Variants in ERC2 observed in about 807,000 individuals in gnomAD.
ERC2 encodes the protein ELKS/RAB6-interacting/CAST family member 2.
In ERC2, 42 loss-of-function variants were observed where a neutral mutation model predicts 114.8. The observed-to-expected ratio is 0.37, with a 90% CI of 0.29 to 0.47. The LOEUF is 0.47. Ranked by LOEUF, ERC2 falls within the 20% of genes least tolerant of loss-of-function variation. ERC2 has a pLI of 0.99. For missense variants in ERC2, 939 were observed against 1,150.7 expected (o/e 0.82, Z 2.66); for synonymous variants, 454 against 425.5 (o/e 1.07, Z -0.82).
intron 14 of ERC2, among the ~76,000 whole-genome samples, chr3:55,821,522 C>G (rs1401660564): frequency 6.6e-6 from 1 of 152,174 alleles, no homozygotes. Context: ...ACATATTAAC[C>G]TGTGTTGAGA....
chr3:56,420,894 C>T (rs2061363575), intron 2 of ERC2, among the ~76,000 whole-genome samples: 1 of 145,162 alleles, frequency 6.9e-6, no homozygotes, highest in African/African-American at 2.6e-5. Context: ...AAGACTCCGT[C>T]TCAAAAAAAA....
At chr3:56,225,752 G>C (rs1168487080) in intron 3 of ERC2, among the ~76,000 whole-genome samples, 1 of 152,056 alleles carries the variant, frequency 6.6e-6, no homozygotes, top group Non-Finnish European at 1.5e-5. Context: ...GTGTGTTCCT[G>C]GTACTCTGTG....
intron 16 of ERC2, among the ~76,000 whole-genome samples, chr3:55,692,343 A>T (rs1232201563): frequency 6.6e-6 from 1 of 152,182 alleles, no homozygotes; most frequent in Admixed American, 6.5e-5. Context: ...CTTGTGGACT[A>T]AGCATAAAAT....
intron 3 of ERC2, among the ~76,000 whole-genome samples, chr3:56,186,529 G>T (rs2083629869): frequency 6.6e-6 from 1 of 151,966 alleles, no homozygotes; most frequent in African/African-American, 2.4e-5. Context: ...TTGTTTGTTT[G>T]TTTGTTTTGT....
intron 3 of ERC2, among the ~76,000 whole-genome samples, chr3:56,295,423 C>G (rs1310985781): frequency 6.6e-6 from 1 of 152,166 alleles, no homozygotes. Flanking sequence ...GAGAGACTGC[C>G]TCTGAAGGAC....
At chr3:55,856,495 CAATG>C (rs1228152342) in intron 14 of ERC2, among the ~76,000 whole-genome samples, 3 of 149,248 alleles carry the variant, frequency 2.0e-5, no homozygotes, top group Non-Finnish European at 3.0e-5. Flanking sequence ...AGACTACAGA[CAATG>C]AAAAAATAAA....
chr3:56,060,753 C>A (rs1323188863), intron 7 of ERC2, among the ~76,000 whole-genome samples: 1 of 152,210 alleles, frequency 6.6e-6, no homozygotes, highest in African/African-American at 2.4e-5. Context: ...TAATTTATTA[C>A]AACAGCCAAA....
At chr3:56,300,885 G>A (rs1377966497) in intron 2 of ERC2, among the ~76,000 whole-genome samples, 2 of 152,164 alleles carry the variant, frequency 1.3e-5, no homozygotes, top group African/African-American at 4.8e-5. Flanking sequence ...AGAAAAGGAT[G>A]GGGAGGGGAG....
At chr3:56,087,368 T>C (rs929046319) in intron 6 of ERC2, among the ~76,000 whole-genome samples, 6 of 152,162 alleles carry the variant, frequency 3.9e-5, no homozygotes. Flanking sequence ...GAGTTAAGCA[T>C]TATTAATCTT....
At chr3:55,872,103 G>A (rs1199767966) in intron 14 of ERC2, among the ~76,000 whole-genome samples, 8 of 152,144 alleles carry the variant, frequency 5.3e-5, no homozygotes, top group Admixed American at 2.0e-4. Context: ...GAGGTCATGT[G>A]GGGGTTCACT....
At chr3:55,829,834 G>A (rs1203012610) in intron 14 of ERC2, among the ~76,000 whole-genome samples, 14 of 151,934 alleles carry the variant, frequency 9.2e-5, no homozygotes, top group South Asian at 8.3e-4. Context: ...CCAAAATATC[G>A]AACATTTGTG....
At chr3:55,833,230 C>G (rs1442677399) in intron 14 of ERC2, among the ~76,000 whole-genome samples, 1 of 150,342 alleles carries the variant, frequency 6.7e-6, no homozygotes, top group Non-Finnish European at 1.5e-5. Flanking sequence ...CAAGGCAGAC[C>G]AACATTCAGA....
chr3:55,806,721 T>A (rs1414315522), intron 14 of ERC2, among the ~76,000 whole-genome samples: 3 of 152,156 alleles, frequency 2.0e-5, no homozygotes, highest in Non-Finnish European at 4.4e-5. Flanking sequence ...ATGCCAATAG[T>A]GGCAAGGCTG....
intron 17 of ERC2, among the ~76,000 whole-genome samples, chr3:55,600,214 A>G (rs1443877358): frequency 6.6e-6 from 1 of 152,218 alleles, no homozygotes; most frequent in Non-Finnish European, 1.5e-5. Context: ...GATGCTCTAG[A>G]AAAAAAGACC....
At chr3:55,691,297 G>T (rs1176512581) in intron 16 of ERC2, among the ~76,000 whole-genome samples, 1 of 151,854 alleles carries the variant, frequency 6.6e-6, no homozygotes, top group Non-Finnish European at 1.5e-5. Context: ...AGAAGTATTG[G>T]GAAAGAGGCA....
At chr3:55,900,090 A>G (rs768022734) in intron 13 of ERC2, among the ~76,000 whole-genome samples, 16 of 152,140 alleles carry the variant, frequency 1.1e-4, no homozygotes, top group Admixed American at 2.0e-4. Context: ...TGGTTCTGAG[A>G]GTCCCTTAGA....
At chr3:55,912,884 A>G (rs1216945262) in intron 13 of ERC2, among the ~76,000 whole-genome samples, 2 of 152,242 alleles carry the variant, frequency 1.3e-5, no homozygotes, top group Non-Finnish European at 2.9e-5. Flanking sequence ...CCAGAGGAAC[A>G]CTGAGGGCCA....
At chr3:56,243,342 TGAACACAGAGTAAATCGCATGACAGCAA>T (rs2051451103) in intron 3 of ERC2, among the ~76,000 whole-genome samples, 1 of 152,198 alleles carries the variant, frequency 6.6e-6, no homozygotes, top group Non-Finnish European at 1.5e-5. Context: ...CATTTCAAAG[TGAACACAGAGTAAATCGCATGACAGCAA>T]AGAGGACCTC....
chr3:55,927,860 T>C (rs1019201468), intron 13 of ERC2, among the ~76,000 whole-genome samples: 1 of 152,210 alleles, frequency 6.6e-6, no homozygotes, highest in African/African-American at 2.4e-5. Context: ...CATGAGAAGT[T>C]GGTCTTTCTG....
Sources: allele counts gnomAD v4.1 joint callset (sites outside exome capture counted in the v4.1 genomes callset), GRCh38; gene constraint gnomAD v4.1.1; transcripts MANE v1.5; gene names NCBI Gene and HGNC (gene_info 2026-07-23, HGNC 2026-07-21).